The following POGK variants were observed in gnomAD, a reference collection of about 807,000 sequenced individuals.
POGK encodes pogo transposable element with KRAB domain.
In POGK, 16 loss-of-function variants were observed where a neutral mutation model predicts 54.4. That is an observed-to-expected ratio of 0.29 (90% CI 0.20 to 0.45). The LOEUF (loss-of-function observed/expected upper bound fraction) is 0.45, where lower values mean the gene tolerates loss of function less well. Ranked by LOEUF, POGK falls within the 20% of genes least tolerant of loss-of-function variation. The probability of loss-of-function intolerance (pLI) is 1.00; values close to 1 mark genes in which losing one functional copy is unlikely to be tolerated. For synonymous variants in POGK, 271 were observed against 302.2 expected (o/e 0.90, Z 1.07); for missense variants, 515 against 795.6 (o/e 0.65, Z 4.24).
At position 166,850,101 on chromosome 1, in the gene POGK, G is replaced by A; in HGVS notation, c.1522G>A (p.Val508Ile). The change falls in exon 5 of 6, where the codon GTC becomes ATC. Residue 508 changes from valine to isoleucine, a missense_variant. Val to Ile is a conservative substitution (Grantham distance 29, BLOSUM62 3). Transcript: ENST00000367876. ...GACCTCACAGCTTCAGGTGCTGGAT[G>A]TCGTGGTCTACAAGCCACTGAATGA... Reference protein sequence around the residue: ...GLTSQLQVLDVVVYKPLNDSV... With the variant: ...GLTSQLQVLDIVVYKPLNDSV... The A allele has an allele frequency of 6.2e-7, 1 of 1,607,550 alleles. No individual in the cohort carries two copies. Among genetic ancestry groups the A allele is most frequent in the African/African-American group, 1.3e-5 (1 of 74,976 alleles).
intron 2 of POGK, among the ~76,000 whole-genome samples, chr1:166,842,455 A>G (rs1461065008): frequency 6.6e-6 from 1 of 152,208 alleles, no homozygotes; most frequent in Non-Finnish European, 1.5e-5. Flanking sequence ...TCTTTTCCTG[A>G]TGGAATTTCC....
intron 1 of POGK, chr1:166,840,124 G>A (rs1314196867): frequency 6.6e-6 from 1 of 152,254 alleles, no homozygotes; most frequent in Non-Finnish European, 1.5e-5. Flanking sequence ...AACTCCAGAG[G>A]GATCTTTTCT....
At chr1:166,840,743 C>T (rs1169760022) in intron 1 of POGK, among the ~76,000 whole-genome samples, 2 of 152,234 alleles carry the variant, frequency 1.3e-5, no homozygotes, top group African/African-American at 4.8e-5. Context: ...TATTTGAAGG[C>T]AGCCAGATAC....
At chr1:166,844,874 G>A (rs1019685717) in intron 2 of POGK, among the ~76,000 whole-genome samples, 7 of 152,200 alleles carry the variant, frequency 4.6e-5, no homozygotes, top group African/African-American at 1.7e-4. Flanking sequence ...CACAGAGTGG[G>A]CTTCCTCGGG....
Position 166,854,191 on chromosome 1 carries a change from G to A in POGK, c.*1621G>A, listed in dbSNP as rs540308634. The A allele has an allele frequency of 6.6e-6, 1 of 152,484 alleles. No homozygotes were observed. The highest frequency in any genetic ancestry group is 2.4e-5 in the African/African-American group (1 of 41,386). 9.4% of individuals were successfully genotyped at this position (152,484 alleles called of 1,614,324 possible). A position where few individuals can be genotyped will look rare whatever the true frequency, so the allele number is the denominator to read the frequency against. On this transcript the variant is annotated 3_prime_UTR_variant, in exon 6 of 6. Transcript: ENST00000367876. ...AGAAAATGGGTTCAACTCCTGTTTC[G>A]CTCCACCAACACCTCTGTGAGTCTC...
At chr1:166,841,581 G>C (rs1657515260) in intron 2 of POGK, among the ~76,000 whole-genome samples, 1 of 152,238 alleles carries the variant, frequency 6.6e-6, no homozygotes, top group African/African-American at 2.4e-5. Context: ...GGAATACAGA[G>C]ATTCAGGGTA....
chr1:166,840,173 A>C (rs1326709697), intron 1 of POGK: 1 of 152,076 alleles, frequency 6.6e-6, no homozygotes, highest in Non-Finnish European at 1.5e-5. Context: ...ATGCATCCGC[A>C]CTCCACACCT....
chr1:166,843,866 G>A (rs1657714963), intron 2 of POGK, among the ~76,000 whole-genome samples: 1 of 152,226 alleles, frequency 6.6e-6, no homozygotes, highest in Non-Finnish European at 1.5e-5. Flanking sequence ...AGGAGGGCAG[G>A]GACTGAAGGT....
rs372528226 is a variant in POGK at position 166,850,537 on chromosome 1, A to C, written c.*14+114A>C. 1.8e-5 allele frequency: 22 copies of C among 1,242,598 alleles called. No homozygotes were observed. The African/African-American group carries it at 1.8e-4, about 10-fold the overall frequency. 77.0% of individuals were successfully genotyped at this position (1,242,598 alleles called of 1,614,324 possible). On this transcript the variant is annotated intron_variant, in intron 5 of 5. Coordinates refer to ENST00000367876, the MANE Select transcript of POGK (RefSeq NM_017542.5). Reference sequence around the variant, plus strand: ...GTTCCCTTAGAGCCTACAGTGCAGTAGTGTAGATCAGGGGTCCCCAACCCC... The same window carrying C: ...GTTCCCTTAGAGCCTACAGTGCAGTCGTGTAGATCAGGGGTCCCCAACCCC...
chr1:166,843,798 C>T (rs1258520325), intron 2 of POGK, among the ~76,000 whole-genome samples: 1 of 152,218 alleles, frequency 6.6e-6, no homozygotes, highest in Non-Finnish European at 1.5e-5. Flanking sequence ...CAAGGCAGTG[C>T]ACACAAGCTA....
intron 2 of POGK, among the ~76,000 whole-genome samples, chr1:166,845,780 A>T (rs944236444): frequency 3.3e-5 from 5 of 152,184 alleles, no homozygotes; most frequent in Non-Finnish European, 7.3e-5. Context: ...GTTAAAAACA[A>T]AAAGAGGAGG....
In POGK at chr1:166,849,056, A is replaced by C; in HGVS notation, c.477A>C (p.Thr159=). The change falls in exon 5 of 6, where the codon ACA becomes ACC. Residue 159 remains threonine, a synonymous_variant. Transcript: ENST00000367876. Reference sequence around the variant, plus strand: ...GCCTCCGTCTGCCTCGGGATATCACAGAGCTGCCCGAGTGGAGTGAGGGGT... The same window carrying C: ...GCCTCCGTCTGCCTCGGGATATCACCGAGCTGCCCGAGTGGAGTGAGGGGT... ...SFGLRLPRDI[T]ELPEWSEGYP... The C allele has an allele frequency of 6.2e-7, 1 of 1,614,172 alleles. No homozygotes were observed. The highest frequency in any genetic ancestry group is 8.5e-7 in the Non-Finnish European group (1 of 1,180,026).
At chr1:166,846,019 T>G (rs1170353981) in intron 2 of POGK, among the ~76,000 whole-genome samples, 1 of 152,208 alleles carries the variant, frequency 6.6e-6, no homozygotes, top group African/African-American at 2.4e-5. Flanking sequence ...ATAGGGCCCC[T>G]TCTCTCAGTG....
rs745748888 is a variant in POGK at position 166,850,385 on chromosome 1, C to T, written c.1806C>T (p.Thr602=). ...GGGEPPKDCD[T]ESMAESN ...GAGAACCACCAAAAGATTGTGACAC[C>T]GAAAGCATGGCTGAGAGCAACTGAA... The change falls in exon 5 of 6, where the codon ACC becomes ACT. Residue 602 remains threonine, a synonymous_variant. Coordinates refer to ENST00000367876, the MANE Select transcript of POGK (RefSeq NM_017542.5). The T allele has an allele frequency of 2.0e-5, 32 of 1,610,586 alleles. No individual in the cohort carries two copies. Among genetic ancestry groups the T allele is most frequent in the Middle Eastern group, 1.6e-4 (1 of 6,070 alleles).
chr1:166,839,623 GGGC>G lies in POGK; in HGVS notation c.-3+30_-3+32del, dbSNP rs1001626465. On this transcript the variant is annotated intron_variant, in intron 1 of 5. Coordinates refer to ENST00000367876, the MANE Select transcript of POGK (RefSeq NM_017542.5). ...CCCGGCGGTGAGTGCGCGCGGGCGGGGGCGGCGGCGGCGCGGCCCCTCCCCCGG... is the reference window on the plus strand; with the variant it reads ...CCCGGCGGTGAGTGCGCGCGGGCGGGGGCGGCGGCGCGGCCCCTCCCCCGG... 4 of 146,568 alleles carry G rather than the reference GGGC, an allele frequency of 2.7e-5. No homozygotes were observed. Among genetic ancestry groups the G allele is most frequent in the African/African-American group, 4.9e-5 (2 of 40,828 alleles). 9.1% of individuals were successfully genotyped at this position (146,568 alleles called of 1,614,324 possible).
chr1:166,841,025 C>A lies in POGK; in HGVS notation c.69C>A (p.Ser23Arg). The change falls in exon 2 of 6, where the codon AGC becomes AGA. Residue 23 changes from serine to arginine, a missense_variant. Coordinates refer to ENST00000367876, the MANE Select transcript of POGK (RefSeq NM_017542.5). ...AGGAAGAGGAAGAAGAGATTCAGAG[C>A]CGGGAACTAGAGGACGGCCCGGCAG... is the stretch of plus-strand genomic sequence containing the variant. ...KEEEEEEEIQ[S>R]RELEDGPADM... 1 of 1,614,046 alleles carries A rather than the reference C, an allele frequency of 6.2e-7. No individual in the cohort carries two copies. Among genetic ancestry groups the A allele is most frequent in the Non-Finnish European group, 8.5e-7 (1 of 1,179,994 alleles).
chr1:166,846,656 G>A lies in POGK; in HGVS notation c.177G>A (p.Glu59=). Residue 59 remains glutamate, a synonymous_variant, in exon 3 of 6, where the codon GAG becomes GAA. Coordinates refer to ENST00000367876, the MANE Select transcript of POGK (RefSeq NM_017542.5). The stretch of plus-strand genomic sequence containing the variant: ...AGGTGGCCATATATTTTTCCGATGA[G>A]GAATGGGAAGTTTTGACGGAGCAAC... ...FDEVAIYFSD[E]EWEVLTEQQK... 6.2e-7 allele frequency: 1 copy of A among 1,614,172 alleles called. No homozygotes were observed. Among genetic ancestry groups the A allele is most frequent in the Non-Finnish European group, 8.5e-7 (1 of 1,180,030 alleles).
chr1:166,850,792 A>T (rs1174349786), intron 5 of POGK: 1 of 167,072 alleles, frequency 6.0e-6, no homozygotes, highest in East Asian at 1.7e-4. Flanking sequence ...TCCCAAAGCC[A>T]TCCTACCACC....
At position 166,856,222 on chromosome 1, in the gene POGK, C is replaced by CTACT. The variant is rs1658268777; in HGVS notation, c.*3655_*3658dup. 6.6e-6 allele frequency: 1 copy of CTACT among 151,768 alleles called. No individual in the cohort carries two copies. Among genetic ancestry groups the CTACT allele is most frequent in the Admixed American group, 6.6e-5 (1 of 15,212 alleles). The allele number at this position is 151,768 out of a possible 1,614,324, so 9.4% of individuals were successfully genotyped here. On this transcript the variant is annotated 3_prime_UTR_variant, in exon 6 of 6. Coordinates refer to ENST00000367876, the MANE Select transcript of POGK (RefSeq NM_017542.5). ...TGGTGGTGTGAATCTGTAGTCCCAGCTACTTAGGAGGTTGCGATGGGAGAA... is the reference window on the plus strand; with the variant it reads ...TGGTGGTGTGAATCTGTAGTCCCAGCTACTTACTTAGGAGGTTGCGATGGGAGAA...
Sources: gnomAD v4.1 joint callset for allele counts (sites outside exome capture counted in the v4.1 genomes callset) on GRCh38, gnomAD v4.1.1 for gene constraint, MANE v1.5 for transcripts, NCBI Gene and HGNC (gene_info 2026-07-23, HGNC 2026-07-21) for gene names.